AGBL1: variants seen among roughly 807,000 people sequenced by gnomAD.
AGBL1 encodes cytosolic carboxypeptidase 4.
AGBL1 carries 130 observed loss-of-function variants against 118.9 expected under a neutral mutation model. The observed-to-expected ratio is 1.09, with a 90% CI of 0.95 to 1.26. AGBL1 has a LOEUF of 1.26. Among genes scored for constraint, AGBL1 ranks in the 50% most tolerant of loss-of-function variants. AGBL1 has a pLI of 0.00. For missense variants in AGBL1, 1,584 were observed against 1,298.1 expected (o/e 1.22, Z -3.38); for synonymous variants, 555 against 478.9 (o/e 1.16, Z -2.08).
chr15:86,894,774 A>G (rs2080099120), intron 22 of AGBL1, among the ~76,000 whole-genome samples: 1 of 152,194 alleles, frequency 6.6e-6, no homozygotes, highest in Non-Finnish European at 1.5e-5. Flanking sequence ...CTAGTCAAAG[A>G]GAGTGGTCCA....
intron 20 of AGBL1, among the ~76,000 whole-genome samples, chr15:86,553,351 C>T (rs2083689081): frequency 6.6e-6 from 1 of 152,084 alleles, no homozygotes. Context: ...CCCTTTCTGT[C>T]AATCAGGGTG....
chr15:86,486,205 C>A (rs2082710914), intron 18 of AGBL1, among the ~76,000 whole-genome samples: 1 of 152,066 alleles, frequency 6.6e-6, no homozygotes, highest in African/African-American at 2.4e-5. Flanking sequence ...ATGACAAATT[C>A]TCTATAAGGC....
intron 22 of AGBL1, among the ~76,000 whole-genome samples, chr15:86,788,133 T>C (rs1189068129): frequency 6.6e-6 from 1 of 152,180 alleles, no homozygotes; most frequent in Non-Finnish European, 1.5e-5. Flanking sequence ...TAGAAGTTGA[T>C]GGAGTTTGAG....
chr15:86,460,009 A>C (rs967770076), intron 18 of AGBL1, among the ~76,000 whole-genome samples: 4 of 152,110 alleles, frequency 2.6e-5, no homozygotes, highest in African/African-American at 9.7e-5. Context: ...CTGCTTCTGC[A>C]ACAAGTAGAG....
intron 18 of AGBL1, among the ~76,000 whole-genome samples, chr15:86,495,090 G>A (rs1349220883): frequency 3.0e-5 from 4 of 132,576 alleles, no homozygotes; most frequent in South Asian, 2.5e-4. Context: ...AGTGCGCTCC[G>A]TCTGTCTCGC....
intron 22 of AGBL1, among the ~76,000 whole-genome samples, chr15:86,839,713 G>A (rs961290343): frequency 2.6e-5 from 4 of 152,020 alleles, no homozygotes; most frequent in African/African-American, 9.7e-5. Flanking sequence ...TACCAAAATT[G>A]CCTCCTGTCA....
At chr15:86,831,935 G>T (rs536806877) in intron 22 of AGBL1, among the ~76,000 whole-genome samples, 1 of 152,162 alleles carries the variant, frequency 6.6e-6, no homozygotes, top group East Asian at 1.9e-4. Context: ...GTTTCCATAC[G>T]TCTTCTGAAA....
At position 86,271,696 on chromosome 15, in the gene AGBL1, T is replaced by C. The variant is rs371674174; in HGVS notation, c.2065T>C (p.Cys689Arg). ...CTGGATAAGGACAGGCCATGAAATATGTTATTACAAGTAAGTTAGAGCGCT... is the reference window on the plus strand; with the variant it reads ...CTGGATAAGGACAGGCCATGAAATACGTTATTACAAGTAAGTTAGAGCGCT... ...PTWIRTGHEICYYKNHYRQST... is the reference protein window; with the variant it reads ...PTWIRTGHEIRYYKNHYRQST... Residue 689 changes from cysteine (C) to arginine (R), a missense_variant, in exon 15 of 23, where the codon TGT (cysteine) becomes CGT (arginine). By Grantham distance (180) the Cys-to-Arg change is radical. Transcript: ENST00000614907. 6.2e-6 allele frequency: 10 copies of C among 1,612,486 alleles called. No homozygotes were observed. The African/African-American group carries it at 8.0e-5, about 13-fold the overall frequency.
At chr15:86,218,122 A>G (rs538019812) in intron 5 of AGBL1, among the ~76,000 whole-genome samples, 2 of 152,328 alleles carry the variant, frequency 1.3e-5, no homozygotes, top group Admixed American at 6.5e-5. Flanking sequence ...CCAAGGACCA[A>G]TAGCTCTAGA....
intron 23 of AGBL1, among the ~76,000 whole-genome samples, chr15:86,962,306 C>T (rs2081000583): frequency 6.6e-6 from 1 of 152,004 alleles, no homozygotes; most frequent in African/African-American, 2.4e-5. Flanking sequence ...ACATAAGAGA[C>T]TCCTGGATCT....
intron 5 of AGBL1, among the ~76,000 whole-genome samples, chr15:86,190,252 G>T (rs1249254981): frequency 6.6e-6 from 1 of 151,840 alleles, no homozygotes; most frequent in Non-Finnish European, 1.5e-5. Context: ...TAAATAAATT[G>T]CTCTGTTAAA....
chr15:86,473,531 T>A (rs35371942), intron 18 of AGBL1, among the ~76,000 whole-genome samples: 2,570 of 152,276 alleles, frequency 0.017, 25 homozygotes, highest in Middle Eastern at 0.041. Flanking sequence ...TATGTGTATG[T>A]AGTGTGTATA....
intron 22 of AGBL1, among the ~76,000 whole-genome samples, chr15:86,898,383 A>G (rs1445595698): frequency 2.6e-5 from 4 of 152,138 alleles, no homozygotes; most frequent in Non-Finnish European, 5.9e-5. Flanking sequence ...ATTTTTGTAT[A>G]TAGTGTAAAG....
At chr15:86,346,407 C>T (rs917262946) in intron 17 of AGBL1, among the ~76,000 whole-genome samples, 3 of 151,478 alleles carry the variant, frequency 2.0e-5, no homozygotes, top group South Asian at 2.1e-4. Flanking sequence ...GGTGCAGTGG[C>T]GTGATCTCGG....
chr15:86,194,803 T>C lies in AGBL1; in HGVS notation c.489-30111T>C, dbSNP rs558687907. Among the ~76,000 whole-genome samples, 29 of 152,298 alleles carry C rather than the reference T, an allele frequency of 1.9e-4. 1 individual carries two copies. The highest frequency in any genetic ancestry group is 6.7e-4 in the African/African-American group (28 of 41,566). ...AATTTACACTATGGTGATTTAATCA[T>C]AGTCCCAACCTCATCAAACTAGACC... On this transcript the variant is annotated intron_variant, in intron 5 of 22. Transcript: ENST00000614907.
intron 20 of AGBL1, among the ~76,000 whole-genome samples, chr15:86,551,329 A>G (rs2083660316): frequency 1.3e-5 from 2 of 152,286 alleles, no homozygotes; most frequent in Admixed American, 6.5e-5. Flanking sequence ...ACGGTCAACA[A>G]AATGATCATT....
At chr15:86,599,387 T>C (rs1254413020) in intron 21 of AGBL1, among the ~76,000 whole-genome samples, 1 of 152,124 alleles carries the variant, frequency 6.6e-6, no homozygotes, top group Non-Finnish European at 1.5e-5. Context: ...TTGAACATGT[T>C]AACCATGCAG....
chr15:86,101,508 C>CT (rs1192363383), intron 1 of AGBL1, among the ~76,000 whole-genome samples: 2 of 151,282 alleles, frequency 1.3e-5, no homozygotes, highest in Admixed American at 1.3e-4. Context: ...TCTACCTGTT[C>CT]TTTTATATTT....
intron 22 of AGBL1, among the ~76,000 whole-genome samples, chr15:86,752,086 C>A (rs1294828407): frequency 6.6e-6 from 1 of 151,954 alleles, no homozygotes; most frequent in Non-Finnish European, 1.5e-5. Flanking sequence ...AATCACACAC[C>A]CCTCCCAATG....
Sources: allele counts gnomAD v4.1 joint callset (sites outside exome capture counted in the v4.1 genomes callset), GRCh38; gene constraint gnomAD v4.1.1; transcripts MANE v1.5; gene names NCBI Gene and HGNC (gene_info 2026-07-23, HGNC 2026-07-21).